ASXL2: variants seen among roughly 807,000 people sequenced by gnomAD.
The protein encoded by ASXL2 is putative Polycomb group protein ASXL2.
ASXL2 carries 23 observed loss-of-function variants against 122.0 expected under a neutral mutation model. The ratio of observed to expected loss-of-function variants is 0.19; its 90% CI spans 0.14 to 0.27. ASXL2 has a LOEUF of 0.27. Ranked by LOEUF, ASXL2 falls within the 10% of genes least tolerant of loss-of-function variation. The pLI, the probability that ASXL2 is intolerant of heterozygous loss-of-function variation, is 1.00. For synonymous variants in ASXL2, 650 were observed against 637.0 expected (o/e 1.02, Z -0.31); for missense variants, 1,518 against 1,713.8 (o/e 0.89, Z 2.02).
intron 3 of ASXL2, among the ~76,000 whole-genome samples, chr2:25,823,523 G>C (rs1255420193): frequency 3.3e-5 from 5 of 152,294 alleles, no homozygotes; most frequent in African/African-American, 1.2e-4. Context: ...TAAAACTAGA[G>C]AATGCCCTAA....
rs1244629700 is a variant in ASXL2, at chr2:25,878,353, C to G, written c.-131G>C. Reference sequence around the variant, plus strand: ...GAAAAGGGAAGTCAGACCGGGGGGGCACCCAAGCAGAGGAAGCGGCGGGGG... The same window carrying G: ...GAAAAGGGAAGTCAGACCGGGGGGGGACCCAAGCAGAGGAAGCGGCGGGGG... On this transcript the variant is annotated 5_prime_UTR_variant, in exon 1 of 13. Coordinates refer to ENST00000435504, the MANE Select transcript of ASXL2 (RefSeq NM_018263.6). 3 of 912,492 alleles carry G rather than the reference C, an allele frequency of 3.3e-6. No homozygotes were observed. Among genetic ancestry groups the G allele is most frequent in the Non-Finnish European group, 5.1e-6 (3 of 593,076 alleles). The allele number at this position is 912,492 out of a possible 1,614,324, so 56.5% of individuals were successfully genotyped here. A position where few individuals can be genotyped will look rare whatever the true frequency, so the allele number is the denominator to read the frequency against.
At position 25,857,094 on chromosome 2, in the gene ASXL2, G is replaced by GC. The variant is rs551595309; in HGVS notation, c.58-11532_58-11531insG. On this transcript the variant is annotated intron_variant, in intron 1 of 12. Transcript: ENST00000435504. ...CTGTTAGATTTTTGGGGGGGGCGGG[G>GC]GGGGGGAGATGGGCAGCTTTTCTCA... 7.8e-5 allele frequency: 9 copies of GC among 116,078 alleles called. No individual in the cohort carries two copies. The East Asian group carries it at 2.6e-3, about 33-fold the overall frequency. 7.2% of individuals were successfully genotyped at this position (116,078 alleles called of 1,614,324 possible).
intron 5 of ASXL2, chr2:25,780,130 C>T (rs1222405214): frequency 6.6e-6 from 1 of 152,166 alleles, no homozygotes; most frequent in African/African-American, 2.4e-5. Context: ...GGATTACAGG[C>T]ATGAGCCAAC....
At position 25,744,110 on chromosome 2, in the gene ASXL2, G is replaced by A. The variant is rs774831394; in HGVS notation, c.2227C>T (p.Leu743Phe). Residue 743 changes from leucine to phenylalanine, a missense_variant, in exon 13 of 13, where the codon CTT becomes TTT. Physicochemically the swap from Leu to Phe is conservative, Grantham distance 22. Transcript: ENST00000435504. The surrounding 1 kb of genome is among the most constrained non-coding windows in gnomAD (Gnocchi z 4.7). Reference protein sequence around the residue: ...GTGSRGGTRELLPCGPETQPQ... With the variant: ...GTGSRGGTREFLPCGPETQPQ... The stretch of plus-strand genomic sequence containing the variant: ...TGAGTCTCTGGACCACAGGGTAAAA[G>A]CTCTCTCGTACCTCCCCTGCTTCCA... 1 of 1,614,006 alleles carries A rather than the reference G, an allele frequency of 6.2e-7. No individual in the cohort carries two copies.
At chr2:25,752,429 C>T (rs959641486) in intron 11 of ASXL2, among the ~76,000 whole-genome samples, 1 of 152,268 alleles carries the variant, frequency 6.6e-6, no homozygotes, top group Non-Finnish European at 1.5e-5. Flanking sequence ...GTGCCTTTTA[C>T]AGAGGAGAGG....
chr2:25,798,443 G>C (rs192142012), intron 5 of ASXL2, among the ~76,000 whole-genome samples: 70 of 152,204 alleles, frequency 4.6e-4, no homozygotes, highest in Non-Finnish European at 7.9e-4. Flanking sequence ...TTTTGGAAAA[G>C]GTCAAACTAT....
At position 25,781,959 on chromosome 2, in the gene ASXL2, C is replaced by CTTTTT. The variant is rs1327580113; in HGVS notation, c.404-10424_404-10420dup. The stretch of plus-strand genomic sequence containing the variant: ...TAACAGGCGTGAGCCACCGCCCGGG[C>CTTTTT]TTTTTTCTTTTTTTTTTTTTTTTTT... On this transcript the variant is annotated intron_variant, in intron 5 of 12. Coordinates refer to ENST00000435504, the MANE Select transcript of ASXL2 (RefSeq NM_018263.6). 7.0e-3 allele frequency among the ~76,000 whole-genome samples: 615 copies of CTTTTT among 88,344 alleles called. 138 individuals are homozygous for CTTTTT. Among genetic ancestry groups the CTTTTT allele is most frequent in the African/African-American group, 0.011 (258 of 22,530 alleles). The allele number at this position is 88,344 out of a possible 152,430, so 58.0% of individuals were successfully genotyped here. A position where few individuals can be genotyped will look rare whatever the true frequency, so the allele number is the denominator to read the frequency against.
At chr2:25,787,931 A>G (rs1350996961) in intron 5 of ASXL2, among the ~76,000 whole-genome samples, 2 of 152,216 alleles carry the variant, frequency 1.3e-5, no homozygotes, top group Non-Finnish European at 2.9e-5. Flanking sequence ...GAAAATATTA[A>G]AGAACAAAAT....
intron 3 of ASXL2, among the ~76,000 whole-genome samples, chr2:25,812,163 CA>C (rs70950124): frequency 1.5e-3 from 207 of 138,520 alleles, no homozygotes; most frequent in Middle Eastern, 3.6e-3. Flanking sequence ...ATAATTATTT[CA>C]AAAAAAAAAA....
rs1229158638 is a variant in ASXL2, at chr2:25,739,223, T to C, written c.*2806A>G. The C allele has an allele frequency of 1.3e-5, 2 of 155,636 alleles. No individual in the cohort carries two copies. Among genetic ancestry groups the C allele is most frequent in the Non-Finnish European group, 2.9e-5 (2 of 70,060 alleles). 9.6% of individuals were successfully genotyped at this position (155,636 alleles called of 1,614,324 possible). On this transcript the variant is annotated 3_prime_UTR_variant, in exon 13 of 13. Coordinates refer to ENST00000435504, the MANE Select transcript of ASXL2 (RefSeq NM_018263.6). ...TCATACCCTAAGAATAAGCTCAGCA[T>C]TTATTAAAACTTTTCAGATTGGGAT...
rs1307826659 is a variant in ASXL2, at chr2:25,735,108, C to T, written c.*6921G>A. 2.0e-5 allele frequency: 3 copies of T among 152,142 alleles called. No individual in the cohort carries two copies. The highest frequency in any genetic ancestry group is 4.4e-5 in the Non-Finnish European group (3 of 68,026). 9.4% of individuals were successfully genotyped at this position (152,142 alleles called of 1,614,324 possible). On this transcript the variant is annotated 3_prime_UTR_variant, in exon 13 of 13. Transcript: ENST00000435504. ...GGAAAACCCACTATTTAGCCACAGCCCATCTCCAAGTTGATCCTTTCTGGC... is the reference window on the plus strand; with the variant it reads ...GGAAAACCCACTATTTAGCCACAGCTCATCTCCAAGTTGATCCTTTCTGGC...
At chr2:25,781,738 C>T (rs576734512) in intron 5 of ASXL2, among the ~76,000 whole-genome samples, 18 of 148,872 alleles carry the variant, frequency 1.2e-4, no homozygotes, top group East Asian at 2.0e-4. Context: ...GGCACTATCT[C>T]GGCTCACGCA....
chr2:25,759,958 T>A (rs2088213158), intron 8 of ASXL2, among the ~76,000 whole-genome samples: 1 of 152,076 alleles, frequency 6.6e-6, no homozygotes, highest in African/African-American at 2.4e-5. Flanking sequence ...CCCAAAAAAC[T>A]GAGAAAGTTT....
chr2:25,849,869 T>C (rs535036506), intron 1 of ASXL2, among the ~76,000 whole-genome samples: 307 of 152,330 alleles, frequency 2.0e-3, no homozygotes, highest in African/African-American at 7.0e-3. Context: ...AAAAGTATTA[T>C]ACTAAATTTT....
chr2:25,836,556 T>TATG (rs1211095828), intron 2 of ASXL2, among the ~76,000 whole-genome samples: 1 of 152,188 alleles, frequency 6.6e-6, no homozygotes, highest in Non-Finnish European at 1.5e-5. Context: ...TTAAATACTG[T>TATG]ATGAAAGAGA....
At chr2:25,836,370 G>C (rs1278995874) in intron 2 of ASXL2, among the ~76,000 whole-genome samples, 2 of 152,044 alleles carry the variant, frequency 1.3e-5, no homozygotes, top group Admixed American at 6.6e-5. Flanking sequence ...AGGCAATTCA[G>C]CTTGGCAAAT....
intron 3 of ASXL2, among the ~76,000 whole-genome samples, chr2:25,824,046 GTGT>G (rs2089346191): frequency 6.6e-6 from 1 of 152,148 alleles, no homozygotes; most frequent in South Asian, 2.1e-4. Context: ...GGAAAAGAAA[GTGT>G]TGTGATTTGA....
At chr2:25,760,841 T>C (rs936921786) in intron 8 of ASXL2, among the ~76,000 whole-genome samples, 1 of 152,168 alleles carries the variant, frequency 6.6e-6, no homozygotes, top group Admixed American at 6.6e-5. Context: ...CTATCAGATA[T>C]ACAGAATACA....
At chr2:25,838,299 A>G (rs1257670597) in intron 2 of ASXL2, among the ~76,000 whole-genome samples, 2 of 152,166 alleles carry the variant, frequency 1.3e-5, no homozygotes, top group African/African-American at 2.4e-5. Context: ...TGCAGCACCA[A>G]TGAACTTTGC....
Sources: allele counts gnomAD v4.1 joint callset (sites outside exome capture counted in the v4.1 genomes callset), GRCh38; gene constraint gnomAD v4.1.1; non-coding constraint Gnocchi (gnomAD v3.1); transcripts MANE v1.5; gene names NCBI Gene and HGNC (gene_info 2026-07-23, HGNC 2026-07-21).